The following DENND5A variants were observed in gnomAD, a reference collection of about 807,000 sequenced individuals.
The protein encoded by DENND5A is DENN domain-containing protein 5A.
In DENND5A, 64 loss-of-function variants were observed where a neutral mutation model predicts 140.3. The ratio of observed to expected loss-of-function variants is 0.46; its 90% CI spans 0.37 to 0.56. The LOEUF (loss-of-function observed/expected upper bound fraction) is 0.56. Ranked by LOEUF, DENND5A falls within the 20% of genes least tolerant of loss-of-function variation. The pLI is 0.00. For missense variants in DENND5A, 1,292 were observed against 1,593.8 expected (o/e 0.81, Z 3.22); for synonymous variants, 605 against 607.7 (o/e 1.00, Z 0.07).
At position 9,139,646 on chromosome 11, in the gene DENND5A, C is replaced by A; in HGVS notation, c.*25G>T. ...AGCTGCAGGGTGAGTCTTTCTCAGTCCTGCTGCTGGCTGGTGCTGGGAGGT... is the reference window on the plus strand; with the variant it reads ...AGCTGCAGGGTGAGTCTTTCTCAGTACTGCTGCTGGCTGGTGCTGGGAGGT... On this transcript the variant is annotated 3_prime_UTR_variant, in exon 23 of 23. Coordinates refer to ENST00000328194, the MANE Select transcript of DENND5A (RefSeq NM_015213.4). 1.2e-6 allele frequency: 2 copies of A among 1,607,578 alleles called. No homozygotes were observed. Among genetic ancestry groups the A allele is most frequent in the South Asian group, 2.2e-5 (2 of 89,846 alleles).
intron 12 of DENND5A, among the ~76,000 whole-genome samples, chr11:9,159,469 C>T (rs766701771): frequency 6.6e-6 from 1 of 151,956 alleles, no homozygotes; most frequent in Non-Finnish European, 1.5e-5. Context: ...TACAGGCATG[C>T]ACCACCACCT....
chr11:9,170,813 CACACATAAAT>C, intron 8 of DENND5A, 36 bp from the exon 9 acceptor site: 1 of 1,609,406 alleles, frequency 6.2e-7, no homozygotes, highest in Non-Finnish European at 8.5e-7. Context: ...CACACACACA[CACACATAAAT>C]ACACACACAA....
intron 1 of DENND5A, among the ~76,000 whole-genome samples, chr11:9,210,484 G>C (rs1157090257): frequency 6.6e-6 from 1 of 152,132 alleles, no homozygotes; most frequent in Non-Finnish European, 1.5e-5. Context: ...TGCCTTACAA[G>C]AACTTCTAAT....
rs1187928927 is a variant in DENND5A at position 9,178,894 on chromosome 11, C to A, written c.1635G>T (p.Trp545Cys). The A allele has an allele frequency of 2.5e-6, 4 of 1,614,122 alleles. No individual in the cohort carries two copies. The highest frequency in any genetic ancestry group is 1.3e-5 in the African/African-American group (1 of 75,034). ...VIQPSQDKES[W>C]FTNREQMQNF... is the part of the protein sequence containing the mutation. ...TTTGCATTTGCTCCCTGTTGGTAAA[C>A]CAGGATTCCTTATCCTGGCTGGGTT... Residue 545 changes from tryptophan to cysteine, a missense_variant, in exon 7 of 23, where the codon TGG becomes TGT. This residue lies in a region of DENND5A where 29 missense variants were observed against 64.7 expected (regional missense o/e 0.45). Coordinates refer to ENST00000328194, the MANE Select transcript of DENND5A (RefSeq NM_015213.4).
intron 1 of DENND5A, among the ~76,000 whole-genome samples, chr11:9,221,727 T>C (rs1681887425): frequency 6.6e-6 from 1 of 151,164 alleles, no homozygotes; most frequent in African/African-American, 2.4e-5. Context: ...CAATAATGTC[T>C]TCAACTAATT....
At chr11:9,249,900 T>A (rs1204747647) in intron 1 of DENND5A, among the ~76,000 whole-genome samples, 2 of 152,038 alleles carry the variant, frequency 1.3e-5, no homozygotes, top group Non-Finnish European at 2.9e-5. Flanking sequence ...TTGCCCGGGC[T>A]AGCCTCAAAC....
chr11:9,140,392 G>A (rs1338703754), intron 22 of DENND5A: 5 of 406,292 alleles, frequency 1.2e-5, no homozygotes, highest in African/African-American at 2.1e-5. Context: ...CGGTTCTGGA[G>A]TCTGTTTTTA....
At chr11:9,214,541 G>C (rs547557740) in intron 1 of DENND5A, among the ~76,000 whole-genome samples, 1 of 152,244 alleles carries the variant, frequency 6.6e-6, no homozygotes, top group South Asian at 2.1e-4. Flanking sequence ...ACATGAAATT[G>C]ATTTTACAAC....
intron 1 of DENND5A, among the ~76,000 whole-genome samples, chr11:9,239,688 C>T (rs1590322831): frequency 6.6e-6 from 1 of 152,128 alleles, no homozygotes; most frequent in East Asian, 1.9e-4. Context: ...TCTCGAAATC[C>T]TGGGCTCAAG....
At chr11:9,189,539 G>C (rs1397174578) in intron 5 of DENND5A, among the ~76,000 whole-genome samples, 1 of 152,060 alleles carries the variant, frequency 6.6e-6, no homozygotes, top group African/African-American at 2.4e-5. Context: ...CCAGGAGGGA[G>C]GCTGTACCCT....
intron 1 of DENND5A, among the ~76,000 whole-genome samples, chr11:9,264,374 G>GC (rs1037898277): frequency 6.6e-6 from 1 of 152,058 alleles, no homozygotes; most frequent in Non-Finnish European, 1.5e-5. Flanking sequence ...CGGGATACAA[G>GC]CCCTTTCCAA....
intron 1 of DENND5A, among the ~76,000 whole-genome samples, chr11:9,232,735 C>G (rs1295571337): frequency 6.6e-6 from 1 of 152,080 alleles, no homozygotes; most frequent in East Asian, 1.9e-4. Flanking sequence ...ACCCAACAGA[C>G]CAAAAGCCAT....
At chr11:9,256,012 C>T (rs1159417442) in intron 1 of DENND5A, among the ~76,000 whole-genome samples, 7 of 138,408 alleles carry the variant, frequency 5.1e-5, no homozygotes, top group Admixed American at 3.0e-4. Context: ...AGCAACACGG[C>T]GAAACTCCAT....
Position 9,142,012 on chromosome 11 carries a change from G to A in DENND5A, c.3608C>T (p.Thr1203Ile). The A allele has an allele frequency of 6.2e-7, 1 of 1,607,006 alleles. No individual in the cohort carries two copies. The highest frequency in any genetic ancestry group is 8.5e-7 in the Non-Finnish European group (1 of 1,177,004). ...TRARNFCRFV[T>I]AINNTPRNIG... ...GTTCCGGGGAGTATTGTTGATTGCA[G>A]TGACAAATCGGCAGAAGTTCCGGGC... The change falls in exon 22 of 23, where the codon ACT (threonine) becomes ATT (isoleucine). Residue 1203 changes from threonine to isoleucine, a missense_variant. Physicochemically the swap from Thr to Ile is moderately conservative, Grantham distance 89 (BLOSUM62 -1). Transcript: ENST00000328194.
At chr11:9,241,027 G>A (rs936262332) in intron 1 of DENND5A, among the ~76,000 whole-genome samples, 1 of 152,182 alleles carries the variant, frequency 6.6e-6, no homozygotes, top group Non-Finnish European at 1.5e-5. Flanking sequence ...CTCTGTCTGT[G>A]TATGTGCATG....
intron 1 of DENND5A, among the ~76,000 whole-genome samples, chr11:9,243,086 T>C (rs1445860848): frequency 1.6e-4 from 3 of 19,070 alleles, no homozygotes; most frequent in African/African-American, 2.1e-4. Context: ...AGACTCTGTC[T>C]CAAAAAAAAA....
intron 1 of DENND5A, among the ~76,000 whole-genome samples, chr11:9,262,767 T>C (rs1852260906): frequency 6.6e-6 from 1 of 151,728 alleles, no homozygotes; most frequent in Non-Finnish European, 1.5e-5. Flanking sequence ...GGAGTCTCGC[T>C]CTGTCGCCCA....
At chr11:9,259,495 G>A (rs1414434813) in intron 1 of DENND5A, among the ~76,000 whole-genome samples, 2 of 152,116 alleles carry the variant, frequency 1.3e-5, no homozygotes, top group Non-Finnish European at 2.9e-5. Context: ...GAACCCGGGA[G>A]GCGGAGTTTG....
intron 1 of DENND5A, among the ~76,000 whole-genome samples, chr11:9,247,625 T>G (rs1043377421): frequency 6.6e-6 from 1 of 152,122 alleles, no homozygotes; most frequent in East Asian, 1.9e-4. Flanking sequence ...TGAACGACCA[T>G]GGCCCAGGGA....
Sources: gnomAD v4.1 joint callset for allele counts (sites outside exome capture counted in the v4.1 genomes callset) on GRCh38, gnomAD v4.1.1 for gene constraint, gnomAD v4.1.1 regional missense constraint, MANE v1.5 for transcripts, NCBI Gene and HGNC (gene_info 2026-07-23, HGNC 2026-07-21) for gene names.